Variants in BRD10 observed in about 807,000 individuals in gnomAD.
The protein encoded by BRD10 is bromodomain containing 10, also known as uncharacterized bromodomain-containing protein 10.
the BRD10 span, among the ~76,000 whole-genome samples, chr9:5,911,191 C>A: frequency 6.6e-6 from 1 of 152,164 alleles, no homozygotes; most frequent in Non-Finnish European, 1.5e-5. Flanking sequence ...AGATTTAAGT[C>A]TTTAATCCAT....
chr9:5,956,262 C>T, the BRD10 span, among the ~76,000 whole-genome samples: 1 of 152,132 alleles, frequency 6.6e-6, no homozygotes, highest in Non-Finnish European at 1.5e-5. Flanking sequence ...CTAGCAGCTA[C>T]TCTATTTGAA....
the BRD10 span, among the ~76,000 whole-genome samples, chr9:5,911,648 C>T: frequency 6.6e-6 from 1 of 151,606 alleles, no homozygotes; most frequent in African/African-American, 2.4e-5. Flanking sequence ...TATTCTTGTG[C>T]CTCAGCCTCC....
At chr9:5,941,022 G>C in the BRD10 span, among the ~76,000 whole-genome samples, 1 of 151,824 alleles carries the variant, frequency 6.6e-6, no homozygotes. Flanking sequence ...ATCTCTACAA[G>C]GGTCTTTCCT....
the BRD10 span, among the ~76,000 whole-genome samples, chr9:5,938,468 T>A: frequency 6.6e-6 from 1 of 151,952 alleles, no homozygotes; most frequent in South Asian, 2.1e-4. Context: ...AAAAATAAAT[T>A]AAAATAAATA....
At chr9:5,972,720 A>G in the BRD10 span, among the ~76,000 whole-genome samples, 1 of 152,174 alleles carries the variant, frequency 6.6e-6, no homozygotes, top group African/African-American at 2.4e-5. Flanking sequence ...TGCTGGCCCC[A>G]TGCTTCCTGT....
the BRD10 span, among the ~76,000 whole-genome samples, chr9:5,982,049 G>GTA: frequency 0.047 from 6,796 of 145,610 alleles, 393 homozygotes; most frequent in African/African-American, 0.14. Flanking sequence ...ATGTATGTAT[G>GTA]TGTGTGTATA....
chr9:5,916,825 T>A, the BRD10 span, among the ~76,000 whole-genome samples: 1 of 152,210 alleles, frequency 6.6e-6, no homozygotes, highest in Non-Finnish European at 1.5e-5. Flanking sequence ...TGGTGACGTT[T>A]CTTCCTTTTC....
the BRD10 span, chr9:5,920,832 C>G: frequency 1.2e-6 from 2 of 1,613,958 alleles, no homozygotes; most frequent in Non-Finnish European, 8.5e-7. Flanking sequence ...GAAATCAGAA[C>G]AGATGATGCA....
At chr9:5,892,481 AGAG>A in the BRD10 span, 1 of 1,613,606 alleles carries the variant, frequency 6.2e-7, no homozygotes, top group East Asian at 2.2e-5. Flanking sequence ...CAAGATGCCA[AGAG>A]AAGATGCTCA....
At chr9:6,002,967 G>C in the BRD10 span, among the ~76,000 whole-genome samples, 1 of 152,156 alleles carries the variant, frequency 6.6e-6, no homozygotes, top group African/African-American at 2.4e-5. Flanking sequence ...TTACAGGCGT[G>C]AGCTGCCACA....
chr9:5,960,418 C>T, the BRD10 span, among the ~76,000 whole-genome samples: 1 of 151,952 alleles, frequency 6.6e-6, no homozygotes, highest in Non-Finnish European at 1.5e-5. Flanking sequence ...AAAAATTAGC[C>T]GGACATGGTG....
At chr9:5,891,382 T>C in the BRD10 span, 4 of 152,216 alleles carry the variant, frequency 2.6e-5, no homozygotes, top group Non-Finnish European at 5.9e-5. Flanking sequence ...AGTCCTATAT[T>C]ATTCACTTGA....
At chr9:5,891,724 G>A in the BRD10 span, among the ~76,000 whole-genome samples, 1 of 152,172 alleles carries the variant, frequency 6.6e-6, no homozygotes, top group Non-Finnish European at 1.5e-5. Context: ...GAAAAAAAAA[G>A]AATCCTAGCC....
chr9:5,952,486 C>T, the BRD10 span, among the ~76,000 whole-genome samples: 1 of 152,196 alleles, frequency 6.6e-6, no homozygotes, highest in Admixed American at 6.5e-5. Context: ...GTGTAGCACA[C>T]TTACTATATG....
At chr9:5,997,598 T>C in the BRD10 span, among the ~76,000 whole-genome samples, 80 of 151,966 alleles carry the variant, frequency 5.3e-4, no homozygotes, top group East Asian at 0.014. Flanking sequence ...TAAAGAAAAA[T>C]AGATCCAAAT....
chr9:5,933,041 CTCTT>C, the BRD10 span, among the ~76,000 whole-genome samples: 1 of 152,260 alleles, frequency 6.6e-6, no homozygotes, highest in Non-Finnish European at 1.5e-5. Flanking sequence ...GTTCTTAAGA[CTCTT>C]TCTCTATACT....
chr9:5,886,183 G>A, the BRD10 span, among the ~76,000 whole-genome samples: 44 of 152,340 alleles, frequency 2.9e-4, no homozygotes, highest in African/African-American at 8.7e-4. Context: ...CAAGCAGGAT[G>A]AGTCAAGAGG....
the BRD10 span, chr9:5,988,230 A>G: frequency 1.4e-6 from 1 of 701,778 alleles, no homozygotes; most frequent in Non-Finnish European, 2.4e-6. Context: ...TTCATTATGA[A>G]TTCATACTTT....
chr9:5,968,610 T>C, the BRD10 span: 1 of 1,613,928 alleles, frequency 6.2e-7, no homozygotes, highest in South Asian at 1.1e-5. Flanking sequence ...TCAAAATTAT[T>C]TTCCTGCTCT....
Sources: allele counts gnomAD v4.1 joint callset (sites outside exome capture counted in the v4.1 genomes callset), GRCh38; gene constraint gnomAD v4.1.1; transcripts MANE v1.5; gene names NCBI Gene and HGNC (gene_info 2026-07-23, HGNC 2026-07-21).